The following LY6D variants were observed in gnomAD, a reference collection of about 807,000 sequenced individuals.
LY6D encodes lymphocyte antigen 6D.
LY6D carries 7 observed loss-of-function variants against 5.6 expected under a neutral mutation model. That is an observed-to-expected ratio of 1.24 (90% CI 0.71 to 2.34). The LOEUF is 2.34. LY6D is among the 30% of genes most tolerant of loss of function. LY6D has a pLI of 0.00. For missense variants in LY6D, 148 were observed against 164.8 expected, an observed-to-expected ratio of 0.90 and a Z score of 0.56; for synonymous variants, 81 against 75.0, an observed-to-expected ratio of 1.08 and a Z score of -0.41.
At position 142,785,471 on chromosome 8, in the gene LY6D, G is replaced by T; in HGVS notation, c.152-15C>A. 6.2e-7 allele frequency: 1 copy of T among 1,604,682 alleles called. No individual in the cohort carries two copies. The highest frequency in any genetic ancestry group is 1.1e-5 in the South Asian group (1 of 90,882). ...CAGAGGCTCCACTGGGCACAGGTGA[G>T]TGTGGTCAGGCCAGGCAGCCACCTC... On this transcript the variant is annotated splice_polypyrimidine_tract_variant and intron_variant, in intron 2 of 2. Coordinates refer to ENST00000301263, the MANE Select transcript of LY6D (RefSeq NM_003695.3).
Position 142,785,401 on chromosome 8 carries a change from G to T in LY6D, c.207C>A (p.Pro69=), listed in dbSNP as rs781401640. The part of the protein sequence containing the change: ...VKKDCAESCT[P]SYTLQGQVSS... ...TGACCTGGCCTTGCAGGGTGTAGCTGGGTGTGCACGACTCCGCACAGTCCT... is the reference window on the plus strand; with the variant it reads ...TGACCTGGCCTTGCAGGGTGTAGCTTGGTGTGCACGACTCCGCACAGTCCT... Residue 69 remains proline, a synonymous_variant, in exon 3 of 3, where the codon CCC becomes CCA. Coordinates refer to ENST00000301263, the MANE Select transcript of LY6D (RefSeq NM_003695.3). 17 of 1,613,564 alleles carry T rather than the reference G, an allele frequency of 1.1e-5. No homozygotes were observed. Among genetic ancestry groups the T allele is most frequent in the Non-Finnish European group, 1.4e-5 (16 of 1,179,960 alleles).
chr8:142,785,847 C>T, intron 1 of LY6D, 160 bp from the exon 2 acceptor site: 1 of 1,443,938 alleles, frequency 6.9e-7, no homozygotes, highest in South Asian at 1.5e-5. Flanking sequence ...AGGGCATGTG[C>T]CCTGAGTGCA....
intron 1 of LY6D, chr8:142,786,061 C>A (rs749090206): frequency 1.7e-6 from 2 of 1,189,778 alleles, no homozygotes; most frequent in Non-Finnish European, 2.1e-6. Context: ...AGCTAAGGCC[C>A]CGGGGGCAGC....
intron 1 of LY6D, chr8:142,785,993 G>A (rs1452674161): frequency 7.8e-7 from 1 of 1,285,246 alleles, no homozygotes; most frequent in Non-Finnish European, 9.9e-7. Flanking sequence ...ACTGGCTCTT[G>A]TCCCCACCCC....
At position 142,785,673 on chromosome 8, in the gene LY6D, A is replaced by G. The variant is rs779771485; in HGVS notation, c.67T>C (p.Cys23Arg). Reference protein sequence around the residue: ...VATGPALTLRCHVCTSSSNCK... With the variant: ...VATGPALTLRRHVCTSSSNCK... ...TTGCTGGAGCTGGTGCACACGTGGC[A>G]GCGCAGGGTAAGGGCTGGCGGGGAG... is the stretch of plus-strand genomic sequence containing the variant. Residue 23 changes from cysteine to arginine, a missense_variant, in exon 2 of 3, where the codon TGC becomes CGC. Physicochemically the swap from Cys to Arg is radical, Grantham distance 180. Transcript: ENST00000301263. 1 of 1,613,562 alleles carries G rather than the reference A, an allele frequency of 6.2e-7. No homozygotes were observed. The highest frequency in any genetic ancestry group is 2.2e-5 in the East Asian group (1 of 44,882).
chr8:142,786,457 C>T lies in LY6D; in HGVS notation c.52+8G>A. On this transcript the variant is annotated splice_region_variant and intron_variant, in intron 1 of 2. Coordinates refer to ENST00000301263, the MANE Select transcript of LY6D (RefSeq NM_003695.3). ...CCACCCGCCCGTCCCCTTGGCCCAG[C>T]CCCTCACCTGGCCCTGTAGCCACAG... is the stretch of plus-strand genomic sequence containing the variant. 1 of 1,545,878 alleles carries T rather than the reference C, an allele frequency of 6.5e-7. No individual in the cohort carries two copies. Among genetic ancestry groups the T allele is most frequent in the Non-Finnish European group, 8.7e-7 (1 of 1,144,374 alleles).
chr8:142,786,196 A>G (rs1424768148), intron 1 of LY6D: 11 of 1,299,086 alleles, frequency 8.5e-6, no homozygotes, highest in Non-Finnish European at 9.8e-6. Context: ...CCGCTCTCCC[A>G]GTGAGAAGCA....
intron 1 of LY6D, 171 bp from the exon 2 acceptor site, chr8:142,785,858 G>T (rs1815646499): frequency 3.5e-6 from 5 of 1,435,506 alleles, no homozygotes; most frequent in Non-Finnish European, 4.6e-6. Context: ...CCTGAGTGCA[G>T]CCTCAGGGGA....
At chr8:142,786,139 G>T in intron 1 of LY6D, 2 of 1,239,962 alleles carry the variant, frequency 1.6e-6, no homozygotes, top group Non-Finnish European at 2.0e-6. Flanking sequence ...GGGCTGTGCT[G>T]GGGGAGACCT....
At chr8:142,786,178 C>G in intron 1 of LY6D, 8 of 1,279,012 alleles carry the variant, frequency 6.3e-6, no homozygotes, top group Non-Finnish European at 7.9e-6. Context: ...GTGGCAGGGA[C>G]TAGATGGCCG....
chr8:142,786,314 G>A (rs1235172989), intron 1 of LY6D, 151 bp downstream of exon 1: 10 of 1,372,206 alleles, frequency 7.3e-6, no homozygotes, highest in Middle Eastern at 1.9e-4. Flanking sequence ...GTTAAGATTC[G>A]GGCTCCATGT....
Position 142,785,389 on chromosome 8 carries a change from C to A in LY6D, c.219G>T (p.Leu73=). ...CAESCTPSYT[L]QGQVSSGTSS... ...TGGTGCCGCTGCTGACCTGGCCTTG[C>A]AGGGTGTAGCTGGGTGTGCACGACT... The change falls in exon 3 of 3, where the codon CTG becomes CTT. Residue 73 remains leucine, a synonymous_variant. Transcript: ENST00000301263. 6.2e-7 allele frequency: 1 copy of A among 1,613,642 alleles called. No homozygotes were observed. Among genetic ancestry groups the A allele is most frequent in the South Asian group, 1.1e-5 (1 of 91,084 alleles).
In LY6D at chr8:142,786,128, T is replaced by A. The variant is rs1815650517; in HGVS notation, c.52+337A>T. On this transcript the variant is annotated intron_variant, in intron 1 of 2. Coordinates refer to ENST00000301263, the MANE Select transcript of LY6D (RefSeq NM_003695.3). ...GGGCTTGGTGGCCTTTGGGCTGTCC[T>A]GGGCTGTGCTGGGGGAGACCTGGGG... The A allele has an allele frequency of 6.5e-6, 8 of 1,234,404 alleles. No individual in the cohort carries two copies. In the East Asian group the frequency reaches 3.1e-4, roughly 48 times the overall value. 76.5% of individuals were successfully genotyped at this position (1,234,404 alleles called of 1,614,324 possible).
intron 1 of LY6D, chr8:142,786,062 C>CG: frequency 8.4e-7 from 1 of 1,186,258 alleles, no homozygotes; most frequent in Non-Finnish European, 1.0e-6. Context: ...GCTAAGGCCC[C>CG]GGGGGCAGCC....
At position 142,785,257 on chromosome 8, in the gene LY6D, C is replaced by A; in HGVS notation, c.351G>T (p.Leu117=). The A allele has an allele frequency of 6.2e-7, 1 of 1,610,526 alleles. No homozygotes were observed. Among genetic ancestry groups the A allele is most frequent in the Non-Finnish European group, 8.5e-7 (1 of 1,177,740 alleles). Residue 117 remains leucine (L), a synonymous_variant, in exon 3 of 3, where the codon CTG becomes CTT. Transcript: ENST00000301263. ...GGGCTAAGATGACGGCCAGGAGGCT[C>A]AGGGCCAGCCCCAGGCTGAGGGCAC... ...AHSALSLGLA[L]SLLAVILAPS... is the part of the protein sequence containing the mutation.
At position 142,785,479 on chromosome 8, in the gene LY6D, A is replaced by G. The variant is rs370084384; in HGVS notation, c.152-23T>C. 2.5e-6 allele frequency: 4 copies of G among 1,601,434 alleles called. No individual in the cohort carries two copies. In the African/African-American group the frequency reaches 4.0e-5, roughly 16 times the overall value. On this transcript the variant is annotated intron_variant, in intron 2 of 2. Coordinates refer to ENST00000301263, the MANE Select transcript of LY6D (RefSeq NM_003695.3). ...CCACTGGGCACAGGTGAGTGTGGTC[A>G]GGCCAGGCAGCCACCTCTGCCCCCC...
intron 1 of LY6D, 35 bp downstream of exon 1, chr8:142,786,430 G>GGGCCCC: frequency 7.0e-7 from 1 of 1,434,824 alleles, no homozygotes; most frequent in Non-Finnish European, 9.4e-7. Context: ...GGCCACAGCC[G>GGGCCCC]CCCACCCGCC....
chr8:142,786,489 C>T lies in LY6D; in HGVS notation c.28G>A (p.Ala10Thr), dbSNP rs2572925. 602,024 of 1,537,042 alleles carry T rather than the reference C, an allele frequency of 0.39. 120,049 individuals carry two copies. Among genetic ancestry groups the T allele is most frequent in the African/African-American group, 0.48 (35,010 of 72,478 alleles). MRTALLLLA[A>T]LAVATGPALT... Reference sequence around the variant, plus strand: ...CCTGGCCCTGTAGCCACAGCCAGGGCTGCAAGGAGCAGCAATGCTGTCCTC... The same window carrying T: ...CCTGGCCCTGTAGCCACAGCCAGGGTTGCAAGGAGCAGCAATGCTGTCCTC... The change falls in exon 1 of 3, where the codon GCC (alanine) becomes ACC (threonine). Residue 10 changes from alanine to threonine, a missense_variant. Physicochemically the swap from Ala to Thr is moderately conservative, Grantham distance 58. Coordinates refer to ENST00000301263, the MANE Select transcript of LY6D (RefSeq NM_003695.3).
chr8:142,785,045 C>T lies in LY6D; in HGVS notation c.*176G>A. On this transcript the variant is annotated 3_prime_UTR_variant, in exon 3 of 3. Transcript: ENST00000301263. ...GGGGTGGCTTCATCCTCTGTGGGGT[C>T]TGTGGGGCCTGCTCCAAGTCATCAG... 1.7e-6 allele frequency: 1 copy of T among 600,606 alleles called. No homozygotes were observed. Among genetic ancestry groups the T allele is most frequent in the South Asian group, 2.0e-5 (1 of 48,922 alleles). 37.2% of individuals were successfully genotyped at this position (600,606 alleles called of 1,614,324 possible). A position where few individuals can be genotyped will look rare whatever the true frequency, so the allele number is the denominator to read the frequency against.
Sources: allele counts gnomAD v4.1 joint callset, GRCh38; gene constraint gnomAD v4.1.1; transcripts MANE v1.5; gene names NCBI Gene and HGNC (gene_info 2026-07-23, HGNC 2026-07-21).